ZFAT: variants seen among roughly 807,000 people sequenced by gnomAD.
The protein encoded by ZFAT is zinc finger and AT-hook domain containing.
In ZFAT, 64 loss-of-function variants were observed where a neutral mutation model predicts 117.7. The observed-to-expected ratio is 0.54, with a 90% CI of 0.44 to 0.67. The LOEUF (loss-of-function observed/expected upper bound fraction) is 0.67, where lower values mean the gene tolerates loss of function less well. Among genes scored for constraint, ZFAT ranks in the 30% least tolerant of loss-of-function variants. The pLI, the probability that ZFAT is intolerant of heterozygous loss-of-function variation, is 0.00. For missense variants in ZFAT, 1,433 were observed against 1,584.5 expected, an observed-to-expected ratio of 0.90 and a Z score of 1.62; for synonymous variants, 679 against 615.0, an observed-to-expected ratio of 1.10 and a Z score of -1.54.
chr8:134,520,178 G>C lies in ZFAT; in HGVS notation c.3234+705C>G, dbSNP rs867440153. On this transcript the variant is annotated intron_variant, in intron 13 of 15. Transcript: ENST00000377838. Reference sequence around the variant, plus strand: ...AGACATTTTTGGGTATCTCAACAGGGGATGGGGTTGGGGGGATGATGCTAC... The same window carrying C: ...AGACATTTTTGGGTATCTCAACAGGCGATGGGGTTGGGGGGATGATGCTAC... Among the ~76,000 whole-genome samples, 6 of 152,252 alleles carry C rather than the reference G, an allele frequency of 3.9e-5. 1 individual carries two copies. In the Middle Eastern group the frequency reaches 0.017, roughly 432 times the overall value.
chr8:134,759,984 A>C, the ZFAT span, among the ~76,000 whole-genome samples: 23 of 149,058 alleles, frequency 1.5e-4, 2 homozygotes, highest in Non-Finnish European at 2.4e-4. Context: ...AAAAAAAAAA[A>C]AAAAAACAAA....
intron 8 of ZFAT, among the ~76,000 whole-genome samples, chr8:134,588,796 C>G (rs531453330): frequency 1.3e-5 from 2 of 152,228 alleles, no homozygotes; most frequent in South Asian, 4.1e-4. Flanking sequence ...AGCGAACCAA[C>G]AGTTAAAAAG....
At chr8:134,704,807 A>G (rs1834104480) in intron 1 of ZFAT, among the ~76,000 whole-genome samples, 2 of 152,188 alleles carry the variant, frequency 1.3e-5, no homozygotes, top group South Asian at 4.1e-4. Flanking sequence ...CGTGCAAGAA[A>G]AAAACATTCT....
chr8:134,658,987 C>A (rs1831792208), intron 1 of ZFAT, among the ~76,000 whole-genome samples: 1 of 152,230 alleles, frequency 6.6e-6, no homozygotes, highest in Non-Finnish European at 1.5e-5. Flanking sequence ...CCATGGTGTG[C>A]CCTCGCCCAG....
chr8:134,527,209 G>A (rs566256232), intron 12 of ZFAT, among the ~76,000 whole-genome samples: 52 of 152,294 alleles, frequency 3.4e-4, no homozygotes, highest in African/African-American at 1.2e-3. Flanking sequence ...GAAAAGGCCA[G>A]GAAAGGGATT....
At chr8:134,659,002 T>C (rs959989534) in intron 1 of ZFAT, among the ~76,000 whole-genome samples, 12 of 152,236 alleles carry the variant, frequency 7.9e-5, no homozygotes, top group African/African-American at 2.9e-4. Context: ...GCCCAGCAGC[T>C]GGACGGCTGG....
intron 11 of ZFAT, among the ~76,000 whole-genome samples, chr8:134,550,310 G>GAAAAAAAAA (rs10680896): frequency 0.018 from 1,320 of 72,402 alleles, 131 homozygotes; most frequent in Middle Eastern, 0.037. Context: ...GGTCACAACG[G>GAAAAAAAAA]AAAAAAAAAA....
At chr8:134,553,868 G>A (rs1450516766) in intron 11 of ZFAT, among the ~76,000 whole-genome samples, 2 of 152,172 alleles carry the variant, frequency 1.3e-5, no homozygotes, top group South Asian at 2.1e-4. Context: ...GGGAAGCCAG[G>A]ATTCTATGAT....
At chr8:134,594,765 C>T (rs1826800470) in intron 7 of ZFAT, 1 of 152,154 alleles carries the variant, frequency 6.6e-6, no homozygotes, top group African/African-American at 2.4e-5. Flanking sequence ...CGGAGCCACA[C>T]CACTTCTAAG....
At chr8:134,724,080 T>C in the ZFAT span, 2 of 152,384 alleles carry the variant, frequency 1.3e-5, no homozygotes, top group African/African-American at 4.8e-5. Context: ...GGGTGGCATT[T>C]GGTGGGCATC....
intron 15 of ZFAT, among the ~76,000 whole-genome samples, chr8:134,500,497 ATGG>A (rs1173634631): frequency 6.6e-6 from 1 of 152,228 alleles, no homozygotes; most frequent in African/African-American, 2.4e-5. Flanking sequence ...CATTTCTCAT[ATGG>A]CCACAGATAT....
intron 2 of ZFAT, among the ~76,000 whole-genome samples, chr8:134,645,642 C>G (rs944333247): frequency 1.3e-5 from 2 of 152,162 alleles, no homozygotes; most frequent in African/African-American, 4.8e-5. Flanking sequence ...ATCAGCTGGG[C>G]CTAAATCCCT....
At position 134,638,549 on chromosome 8, in the gene ZFAT, C is replaced by CAAAAAAAAAAA. The variant is rs758050176; in HGVS notation, c.197-838_197-837insTTTTTTTTTTT. 6.1e-4 allele frequency among the ~76,000 whole-genome samples: 62 copies of CAAAAAAAAAAA among 101,122 alleles called. 5 individuals are homozygous for CAAAAAAAAAAA. The highest frequency in any genetic ancestry group is 5.3e-3 in the Middle Eastern group (1 of 188). The allele number at this position is 101,122 out of a possible 152,430, so 66.3% of individuals were successfully genotyped here. A position where few individuals can be genotyped will look rare whatever the true frequency, so the allele number is the denominator to read the frequency against. On this transcript the variant is annotated intron_variant, in intron 2 of 15. Transcript: ENST00000377838. ...TGAAACTCTGTCTCTACTAAAAATACAAAAAAAAAACAAAACAAAAAAAAA... is the reference window on the plus strand; with the variant it reads ...TGAAACTCTGTCTCTACTAAAAATACAAAAAAAAAAAAAAAAAAAAACAAAACAAAAAAAAA...
intron 1 of ZFAT, among the ~76,000 whole-genome samples, chr8:134,670,705 G>A (rs1832518067): frequency 1.3e-5 from 2 of 152,130 alleles, no homozygotes; most frequent in Non-Finnish European, 2.9e-5. Flanking sequence ...AAAGAAGCAA[G>A]AGCAAACACA....
chr8:134,795,677 T>C, the ZFAT span: 1 of 152,212 alleles, frequency 6.6e-6, no homozygotes, highest in Non-Finnish European at 1.5e-5. Context: ...GGACAGGTCA[T>C]CTGGGCTCCA....
chr8:134,628,118 A>G (rs1279184406), intron 3 of ZFAT, among the ~76,000 whole-genome samples: 3 of 152,240 alleles, frequency 2.0e-5, no homozygotes, highest in African/African-American at 7.2e-5. Context: ...AGCAGGAATC[A>G]CTGGCACAGG....
At chr8:134,607,158 G>T (rs4909311) in intron 5 of ZFAT, among the ~76,000 whole-genome samples, 1 of 152,020 alleles carries the variant, frequency 6.6e-6, no homozygotes, top group Non-Finnish European at 1.5e-5. Flanking sequence ...GAACCTCCCC[G>T]CCAACAGACC....
At chr8:134,515,305 A>G (rs1256093677) in intron 13 of ZFAT, among the ~76,000 whole-genome samples, 1 of 152,216 alleles carries the variant, frequency 6.6e-6, no homozygotes, top group African/African-American at 2.4e-5. Context: ...AATGATTTAT[A>G]ATCCTTTGGG....
intron 1 of ZFAT, among the ~76,000 whole-genome samples, chr8:134,695,717 GCGC>G (rs1833799541): frequency 6.7e-6 from 1 of 149,376 alleles, no homozygotes; most frequent in African/African-American, 2.5e-5. Flanking sequence ...AACCAAGGAG[GCGC>G]TGCCCCCAGG....
Sources: gnomAD v4.1 joint callset for allele counts (sites outside exome capture counted in the v4.1 genomes callset) on GRCh38, gnomAD v4.1.1 for gene constraint, MANE v1.5 for transcripts, NCBI Gene and HGNC (gene_info 2026-07-23, HGNC 2026-07-21) for gene names.